The following CDH12 variants were observed in gnomAD, a reference collection of about 807,000 sequenced individuals.
CDH12 encodes cadherin 12.
A neutral mutation model predicts 74.1 loss-of-function variants in CDH12; 41 were observed. The ratio of observed to expected loss-of-function variants is 0.55; its 90% CI spans 0.43 to 0.72. CDH12 has a LOEUF of 0.72. CDH12 is among the 30% of genes least tolerant of loss of function. CDH12 has a pLI of 0.00. For missense variants in CDH12, 945 were observed against 977.2 expected (o/e 0.97, Z 0.44); for synonymous variants, 399 against 355.0 (o/e 1.12, Z -1.39).
At chr5:22,041,477 G>T (rs981415038) in intron 5 of CDH12, among the ~76,000 whole-genome samples, 1 of 152,092 alleles carries the variant, frequency 6.6e-6, no homozygotes, top group Non-Finnish European at 1.5e-5. Context: ...GTAAAGGAAT[G>T]GAAGAAGGTA....
chr5:22,478,146 C>T (rs1047558147), intron 2 of CDH12, among the ~76,000 whole-genome samples: 12 of 151,954 alleles, frequency 7.9e-5, no homozygotes, highest in African/African-American at 2.4e-4. Flanking sequence ...AGGCCAGGCA[C>T]GGTGGCTCAC....
chr5:21,934,504 T>C (rs1232301786), intron 6 of CDH12, among the ~76,000 whole-genome samples: 2 of 152,214 alleles, frequency 1.3e-5, no homozygotes, highest in Non-Finnish European at 2.9e-5. Context: ...CTCTCCAATA[T>C]ACAATATCAA....
chr5:21,857,527 G>C (rs1419703435), intron 6 of CDH12, among the ~76,000 whole-genome samples: 2 of 151,700 alleles, frequency 1.3e-5, no homozygotes, highest in Non-Finnish European at 2.9e-5. Flanking sequence ...AGCAATAAAA[G>C]TTATTTTATA....
At chr5:22,807,560 A>C (rs1262039924) in intron 1 of CDH12, among the ~76,000 whole-genome samples, 1 of 152,200 alleles carries the variant, frequency 6.6e-6, no homozygotes. Context: ...TTTCATCATC[A>C]TGGAAATATC....
intron 11 of CDH12, among the ~76,000 whole-genome samples, chr5:21,773,846 T>A (rs887868121): frequency 3.3e-5 from 5 of 152,216 alleles, no homozygotes; most frequent in African/African-American, 7.2e-5. Flanking sequence ...ACATAAGATT[T>A]ATTGACTTCA....
At chr5:22,494,161 G>A (rs1012998439) in intron 2 of CDH12, among the ~76,000 whole-genome samples, 1 of 152,230 alleles carries the variant, frequency 6.6e-6, no homozygotes, top group Non-Finnish European at 1.5e-5. Context: ...TAATGTTGAT[G>A]AGACTAAAAA....
At chr5:22,616,518 T>G (rs1737697739) in intron 1 of CDH12, among the ~76,000 whole-genome samples, 1 of 152,122 alleles carries the variant, frequency 6.6e-6, no homozygotes, top group South Asian at 2.1e-4. Flanking sequence ...TACCTATATA[T>G]AGTTTCTACA....
intron 3 of CDH12, among the ~76,000 whole-genome samples, chr5:22,251,127 G>A (rs1451276761): frequency 6.6e-6 from 1 of 152,126 alleles, no homozygotes; most frequent in East Asian, 1.9e-4. Flanking sequence ...GATAGCTAAA[G>A]GTGGCAGATA....
At chr5:22,044,411 G>A (rs1320339263) in intron 5 of CDH12, among the ~76,000 whole-genome samples, 1 of 152,164 alleles carries the variant, frequency 6.6e-6, no homozygotes, top group Non-Finnish European at 1.5e-5. Context: ...AGTGAGGCAT[G>A]TCTTACATGG....
intron 5 of CDH12, among the ~76,000 whole-genome samples, chr5:21,992,497 T>TTTA (rs1006558975): frequency 8.6e-5 from 13 of 151,908 alleles, no homozygotes; most frequent in East Asian, 3.9e-4. Flanking sequence ...AAGCTACTAA[T>TTTA]TTATTATTAT....
At chr5:22,245,983 G>A (rs1056658486) in intron 3 of CDH12, among the ~76,000 whole-genome samples, 5 of 152,074 alleles carry the variant, frequency 3.3e-5, no homozygotes, top group African/African-American at 1.2e-4. Flanking sequence ...GGAGATCAAT[G>A]GAATAACTAT....
chr5:22,666,159 C>A (rs1291015563), intron 1 of CDH12, among the ~76,000 whole-genome samples: 1 of 151,942 alleles, frequency 6.6e-6, no homozygotes, highest in Non-Finnish European at 1.5e-5. Flanking sequence ...ATGCAGTTGA[C>A]AAATCTCACA....
At chr5:21,878,069 A>G (rs1752034225) in intron 6 of CDH12, among the ~76,000 whole-genome samples, 1 of 152,248 alleles carries the variant, frequency 6.6e-6, no homozygotes, top group African/African-American at 2.4e-5. Context: ...AATGATAGAA[A>G]TAGTGTCTGT....
intron 4 of CDH12, among the ~76,000 whole-genome samples, chr5:22,207,076 G>A (rs1243875216): frequency 2.6e-5 from 4 of 151,606 alleles, no homozygotes; most frequent in East Asian, 2.0e-4. Flanking sequence ...AAAATTAGCC[G>A]GTCATGGTGG....
At chr5:22,059,132 G>T (rs760582986) in intron 5 of CDH12, among the ~76,000 whole-genome samples, 5 of 152,050 alleles carry the variant, frequency 3.3e-5, no homozygotes, top group Non-Finnish European at 5.9e-5. Flanking sequence ...AAGAAAGATA[G>T]GTTTAAATAT....
intron 3 of CDH12, among the ~76,000 whole-genome samples, chr5:22,342,614 C>A (rs566703790): frequency 1.2e-4 from 13 of 104,158 alleles, no homozygotes; most frequent in African/African-American, 4.7e-4. Context: ...TTACTTTTTT[C>A]TTTCTTTCCT....
chr5:22,841,391 T>C (rs540828600), intron 1 of CDH12, among the ~76,000 whole-genome samples: 3 of 152,240 alleles, frequency 2.0e-5, no homozygotes, highest in African/African-American at 7.2e-5. Flanking sequence ...GAGCATAGAA[T>C]ATGTTTGTGA....
intron 1 of CDH12, among the ~76,000 whole-genome samples, chr5:22,755,077 C>A (rs1745820045): frequency 6.6e-6 from 1 of 152,144 alleles, no homozygotes; most frequent in South Asian, 2.1e-4. Flanking sequence ...ATCTATGGAT[C>A]TTACATAAGG....
At chr5:22,489,761 C>T (rs926001754) in intron 2 of CDH12, among the ~76,000 whole-genome samples, 1 of 138,194 alleles carries the variant, frequency 7.2e-6, no homozygotes, top group South Asian at 2.3e-4. Context: ...AAATACGGTT[C>T]ATTGCAGCCT....
Sources: allele counts gnomAD v4.1 joint callset (sites outside exome capture counted in the v4.1 genomes callset), GRCh38; gene constraint gnomAD v4.1.1; transcripts MANE v1.5; gene names NCBI Gene and HGNC (gene_info 2026-07-23, HGNC 2026-07-21).